Variants in CDC14A observed in about 807,000 individuals in gnomAD.
CDC14A encodes dual specificity protein phosphatase CDC14A.
A neutral mutation model predicts 74.4 loss-of-function variants in CDC14A; 53 were observed. The observed-to-expected ratio is 0.71, with a 90% CI of 0.57 to 0.89. The LOEUF (loss-of-function observed/expected upper bound fraction) is 0.89. CDC14A is among the 40% of genes least tolerant of loss of function. The pLI is 0.00. For missense variants in CDC14A, 646 were observed against 713.7 expected, an observed-to-expected ratio of 0.91 and a Z score of 1.08; for synonymous variants, 247 against 258.4, an observed-to-expected ratio of 0.96 and a Z score of 0.43.
chr1:100,467,383 CTTTG>C (rs1251975614), intron 9 of CDC14A, among the ~76,000 whole-genome samples: 6 of 151,986 alleles, frequency 3.9e-5, no homozygotes, highest in Admixed American at 3.9e-4. Flanking sequence ...TGTTTCCCTA[CTTTG>C]TTTTGTTTTA....
chr1:100,497,583 A>C (rs1172824581), intron 13 of CDC14A, among the ~76,000 whole-genome samples: 5 of 152,234 alleles, frequency 3.3e-5, no homozygotes, highest in Non-Finnish European at 7.3e-5. Context: ...AAGGATAAGA[A>C]ATAAAGATGG....
At chr1:100,498,285 T>A in intron 14 of CDC14A, 78 bp downstream of exon 14, 2 of 1,517,048 alleles carry the variant, frequency 1.3e-6, no homozygotes, top group Non-Finnish European at 1.8e-6. Flanking sequence ...TTAGCTGCAG[T>A]TTTGTCAGAG....
chr1:100,412,766 TA>T (rs1661026365), intron 4 of CDC14A, among the ~76,000 whole-genome samples: 3 of 103,256 alleles, frequency 2.9e-5, no homozygotes, highest in East Asian at 2.2e-4. Flanking sequence ...TATATATATA[TA>T]TTATATATAT....
At chr1:100,498,884 C>A in intron 14 of CDC14A, 45 bp from the exon 15 acceptor site, 1 of 1,571,770 alleles carries the variant, frequency 6.4e-7, no homozygotes, top group Non-Finnish European at 8.6e-7. Context: ...TGTGATTGTA[C>A]ATTGTTGTCT....
intron 5 of CDC14A, among the ~76,000 whole-genome samples, chr1:100,434,721 T>C (rs923651945): frequency 3.3e-5 from 5 of 152,136 alleles, no homozygotes; most frequent in African/African-American, 9.7e-5. Flanking sequence ...CAAGACTGGA[T>C]TATCGTTGCA....
chr1:100,491,034 A>G (rs1670559527), intron 11 of CDC14A, among the ~76,000 whole-genome samples: 1 of 152,198 alleles, frequency 6.6e-6, no homozygotes, highest in South Asian at 2.1e-4. Flanking sequence ...TAAGGCAATA[A>G]TAAGTCTTCA....
chr1:100,411,333 T>G (rs559970209), intron 4 of CDC14A, among the ~76,000 whole-genome samples: 2 of 152,324 alleles, frequency 1.3e-5, no homozygotes, highest in African/African-American at 4.8e-5. Flanking sequence ...CCTTTCCCTC[T>G]CCATTTTTGT....
At chr1:100,378,979 G>A (rs1655716407) in intron 3 of CDC14A, among the ~76,000 whole-genome samples, 1 of 152,088 alleles carries the variant, frequency 6.6e-6, no homozygotes, top group African/African-American at 2.4e-5. Context: ...AACAAGAAAA[G>A]GATAATTAAT....
chr1:100,456,730 A>C (rs1237645168), intron 8 of CDC14A, among the ~76,000 whole-genome samples: 3 of 152,210 alleles, frequency 2.0e-5, no homozygotes, highest in African/African-American at 7.2e-5. Flanking sequence ...TAGGTTTTAT[A>C]ATTTGAGCTT....
At chr1:100,391,683 C>T (rs899004835) in intron 4 of CDC14A, among the ~76,000 whole-genome samples, 1 of 152,186 alleles carries the variant, frequency 6.6e-6, no homozygotes, top group Admixed American at 6.5e-5. Context: ...TTCTAAGGAC[C>T]TTGAGGGAAG....
In CDC14A at chr1:100,355,532, T is replaced by C. The variant is rs192327570; in HGVS notation, c.140+1680T>C. Among the ~76,000 whole-genome samples, 3 of 152,350 alleles carry C rather than the reference T, an allele frequency of 2.0e-5. 1 individual carries two copies. Among genetic ancestry groups the C allele is most frequent in the Admixed American group, 2.0e-4 (3 of 15,308 alleles). On this transcript the variant is annotated intron_variant, in intron 2 of 15. Coordinates refer to ENST00000336454, the MANE Select transcript of CDC14A (RefSeq NM_003672.4). ...AGGCCTACAAATCATATTCCTCTTATAGTCTACTGTTTTTCTGGTATCTTA... is the reference window on the plus strand; with the variant it reads ...AGGCCTACAAATCATATTCCTCTTACAGTCTACTGTTTTTCTGGTATCTTA...
intron 4 of CDC14A, chr1:100,392,886 G>A (rs896637646): frequency 3.6e-5 from 19 of 532,900 alleles, no homozygotes; most frequent in Admixed American, 6.3e-5. Context: ...TATACAAATA[G>A]AATTACCGCA....
chr1:100,461,406 A>G (rs1275041452), intron 8 of CDC14A, among the ~76,000 whole-genome samples: 1 of 151,518 alleles, frequency 6.6e-6, no homozygotes, highest in Non-Finnish European at 1.5e-5. Context: ...AATACAGCCA[A>G]GCACACAGCG....
chr1:100,515,484 A>C (rs1650131354), intron 15 of CDC14A, among the ~76,000 whole-genome samples: 1 of 151,520 alleles, frequency 6.6e-6, no homozygotes, highest in South Asian at 2.1e-4. Context: ...CCCGGGTTCA[A>C]GTGATTCTCC....
intron 4 of CDC14A, among the ~76,000 whole-genome samples, chr1:100,408,625 G>T (rs1054871408): frequency 1.3e-5 from 2 of 152,198 alleles, no homozygotes; most frequent in Non-Finnish European, 2.9e-5. Context: ...ACTGGTGTGA[G>T]ATGGTGTCTC....
At chr1:100,351,713 T>TGC (rs148140357), upstream of CDC14A, 1,587 of 1,542,464 alleles carry the variant, frequency 1.0e-3, 12 homozygotes, top group African/African-American at 0.019. Context: ...GTGATGCTTT[T>TGC]GCGCTCACAT....
chr1:100,470,344 A>G (rs567853023), intron 10 of CDC14A, among the ~76,000 whole-genome samples: 1 of 152,190 alleles, frequency 6.6e-6, no homozygotes, highest in South Asian at 2.1e-4. Context: ...CTAAAATTAT[A>G]TTTAATGGTG....
rs775083030 is a variant in CDC14A, at chr1:100,484,478, T to G, written c.1137+27T>G. On this transcript the variant is annotated intron_variant, in intron 11 of 15. Coordinates refer to ENST00000336454, the MANE Select transcript of CDC14A (RefSeq NM_003672.4). ...TAAGTTTTCCCTAGGAGATTCTATCTTCTTAAAACTGATGTTCTGCATTTG... is the reference window on the plus strand; with the variant it reads ...TAAGTTTTCCCTAGGAGATTCTATCGTCTTAAAACTGATGTTCTGCATTTG... The G allele has an allele frequency of 2.5e-6, 4 of 1,573,216 alleles. No homozygotes were observed. The African/African-American group carries it at 5.5e-5, about 22-fold the overall frequency.
At chr1:100,396,726 A>C (rs1658549970) in intron 4 of CDC14A, among the ~76,000 whole-genome samples, 2 of 152,222 alleles carry the variant, frequency 1.3e-5, no homozygotes, top group Non-Finnish European at 2.9e-5. Context: ...AACCATTTTA[A>C]AATGTACAGC....
Sources: allele counts gnomAD v4.1 joint callset (sites outside exome capture counted in the v4.1 genomes callset), GRCh38; gene constraint gnomAD v4.1.1; transcripts MANE v1.5; gene names NCBI Gene and HGNC (gene_info 2026-07-23, HGNC 2026-07-21).